ANO10: variants seen among roughly 807,000 people sequenced by gnomAD.
The protein encoded by ANO10 is anoctamin-10.
In ANO10, 77 loss-of-function variants were observed where a neutral mutation model predicts 74.7. That is an observed-to-expected ratio of 1.03 (90% confidence interval 0.86 to 1.25). ANO10 has a LOEUF of 1.25. Among genes scored for constraint, ANO10 ranks in the 50% most tolerant of loss-of-function variants. The pLI, the probability that ANO10 is intolerant of heterozygous loss-of-function variation, is 0.00. For synonymous variants in ANO10, 279 were observed against 284.9 expected (o/e 0.98, Z 0.21); for missense variants, 721 against 778.1 (o/e 0.93, Z 0.87).
chr3:43,432,553 T>G, intron 12 of ANO10, 58 bp downstream of exon 12: 1 of 1,372,116 alleles, frequency 7.3e-7, no homozygotes, highest in Non-Finnish European at 1.0e-6. Flanking sequence ...TTCTTCTGAA[T>G]TATTTTTCCT....
At chr3:43,554,286 C>A (rs1455987995) in intron 10 of ANO10, among the ~76,000 whole-genome samples, 1 of 151,006 alleles carries the variant, frequency 6.6e-6, no homozygotes. Context: ...CTCTGCCTCT[C>A]GGCTTCAAGT....
rs56213626 is a variant in ANO10, at chr3:43,428,796, C to CAAAAAAAAAAAAAAAAAAAAA, written c.1914+3794_1914+3814dup. On this transcript the variant is annotated intron_variant, in intron 12 of 12. Transcript: ENST00000292246. The stretch of plus-strand genomic sequence containing the variant: ...CCAAAATCCTGAAACTTTGTGAATG[C>CAAAAAAAAAAAAAAAAAAAAA]AAAAAAAAAAAAAAAAAAAAAAGTC... 1.3e-4 allele frequency among the ~76,000 whole-genome samples: 7 copies of CAAAAAAAAAAAAAAAAAAAAA among 55,424 alleles called. 2 individuals carry two copies. The highest frequency in any genetic ancestry group is 1.3e-4 in the Non-Finnish European group (4 of 31,072). 36.4% of individuals were successfully genotyped at this position (55,424 alleles called of 152,430 possible).
At chr3:43,481,917 CTTT>C (rs202113435) in intron 11 of ANO10, among the ~76,000 whole-genome samples, 6 of 135,984 alleles carry the variant, frequency 4.4e-5, no homozygotes, top group African/African-American at 8.1e-5. Flanking sequence ...TGTCTTTTTT[CTTT>C]TTTTTTCTTT....
At chr3:43,505,883 A>G (rs905846794) in intron 11 of ANO10, among the ~76,000 whole-genome samples, 8 of 152,170 alleles carry the variant, frequency 5.3e-5, no homozygotes, top group African/African-American at 1.9e-4. Flanking sequence ...GGAAGAAATT[A>G]TTTTTATGTT....
At chr3:43,419,796 G>A (rs931149089) in intron 12 of ANO10, among the ~76,000 whole-genome samples, 4 of 152,138 alleles carry the variant, frequency 2.6e-5, no homozygotes, top group African/African-American at 7.2e-5. Context: ...GATGACAGGC[G>A]TGAGCTACTG....
intron 6 of ANO10, among the ~76,000 whole-genome samples, chr3:43,576,150 C>G (rs902913612): frequency 6.6e-6 from 1 of 152,178 alleles, no homozygotes; most frequent in Non-Finnish European, 1.5e-5. Flanking sequence ...TGCCTCACAC[C>G]AACTAGACAC....
At chr3:43,639,331 T>C (rs1359555280) in intron 1 of ANO10, among the ~76,000 whole-genome samples, 2 of 152,190 alleles carry the variant, frequency 1.3e-5, no homozygotes, top group Non-Finnish European at 2.9e-5. Flanking sequence ...ACTCAGCCAG[T>C]TTGCCCTCAC....
chr3:43,392,099 G>A (rs916399268), intron 12 of ANO10, among the ~76,000 whole-genome samples: 1 of 152,004 alleles, frequency 6.6e-6, no homozygotes, highest in Non-Finnish European at 1.5e-5. Flanking sequence ...GCAGGAGGTG[G>A]GCCCTCTCCC....
At chr3:43,658,050 C>T (rs892570040) in intron 1 of ANO10, among the ~76,000 whole-genome samples, 1 of 152,134 alleles carries the variant, frequency 6.6e-6, no homozygotes, top group African/African-American at 2.4e-5. Flanking sequence ...AGCTAGTCCT[C>T]CCTTCACTCA....
chr3:43,477,068 A>G (rs1220689801), intron 11 of ANO10, among the ~76,000 whole-genome samples: 1 of 152,214 alleles, frequency 6.6e-6, no homozygotes, highest in East Asian at 1.9e-4. Flanking sequence ...TCTTCCATCC[A>G]TTCCTGCTCT....
At chr3:43,553,312 G>A (rs1422109642) in intron 10 of ANO10, among the ~76,000 whole-genome samples, 2 of 152,054 alleles carry the variant, frequency 1.3e-5, no homozygotes, top group Non-Finnish European at 2.9e-5. Context: ...CTTGTTTGGG[G>A]TTCACAATGC....
intron 12 of ANO10, among the ~76,000 whole-genome samples, chr3:43,376,140 G>A (rs1036938770): frequency 8.5e-5 from 13 of 152,264 alleles, no homozygotes; most frequent in Middle Eastern, 3.4e-3. Context: ...CAGAAACCTC[G>A]ATCCGCAAGG....
In ANO10 at chr3:43,613,878, C is replaced by A. The variant is rs143712886; in HGVS notation, c.-11-8015G>T. On this transcript the variant is annotated intron_variant, in intron 1 of 12. Transcript: ENST00000292246. Reference sequence around the variant, plus strand: ...TAGTCTAGTAGCAGAAGCAAGCATGCATCAAATTATTCTAACACATGGGCT... The same window carrying A: ...TAGTCTAGTAGCAGAAGCAAGCATGAATCAAATTATTCTAACACATGGGCT... Among the ~76,000 whole-genome samples, 115 of 152,238 alleles carry A rather than the reference C, an allele frequency of 7.6e-4. 1 individual carries two copies. Among genetic ancestry groups the A allele is most frequent in the African/African-American group, 2.7e-3 (111 of 41,558 alleles).
intron 11 of ANO10, among the ~76,000 whole-genome samples, chr3:43,455,085 A>C (rs1421162536): frequency 6.6e-6 from 1 of 152,134 alleles, no homozygotes; most frequent in Admixed American, 6.5e-5. Flanking sequence ...AGTCAAATAC[A>C]TGGGCACAAA....
In ANO10 at chr3:43,561,222, A is replaced by G. The variant is rs756760212; in HGVS notation, c.1474T>C (p.Leu492=). ...VILEKEMGTY[L]GTFDDYLELF... ...AATTCAGCAATATTCCAACTTACCA[A>G]ATAAGTTCCCATTTCTTTTTCCAGG... The change falls in exon 9 of 13, where the codon TTG becomes CTG. Residue 492 remains leucine (L), a splice_region_variant and synonymous_variant. Transcript: ENST00000292246. 4.3e-5 allele frequency: 69 copies of G among 1,614,078 alleles called. No individual in the cohort carries two copies. In the East Asian group the frequency reaches 6.9e-4, roughly 16 times the overall value.
intron 7 of ANO10, among the ~76,000 whole-genome samples, chr3:43,566,164 G>A (rs1358524110): frequency 6.6e-6 from 1 of 152,214 alleles, no homozygotes; most frequent in Non-Finnish European, 1.5e-5. Context: ...ATTATATCCT[G>A]CACCTGGCTC....
At chr3:43,385,316 T>C (rs1287455667) in intron 12 of ANO10, among the ~76,000 whole-genome samples, 1 of 152,226 alleles carries the variant, frequency 6.6e-6, no homozygotes, top group Non-Finnish European at 1.5e-5. Context: ...TTGGTGGGAA[T>C]GTAAACTAGT....
intron 4 of ANO10, among the ~76,000 whole-genome samples, chr3:43,592,284 C>A (rs572485907): frequency 1.3e-5 from 2 of 152,232 alleles, no homozygotes; most frequent in Non-Finnish European, 2.9e-5. Flanking sequence ...GATCTGAGAA[C>A]GGACAGACTG....
chr3:43,382,240 C>A (rs778185400), intron 12 of ANO10, among the ~76,000 whole-genome samples: 1 of 152,176 alleles, frequency 6.6e-6, no homozygotes, highest in African/African-American at 2.4e-5. Flanking sequence ...CAAGATCAGG[C>A]CGGGCGCGGT....
Sources: gnomAD v4.1 joint callset for allele counts (sites outside exome capture counted in the v4.1 genomes callset) on GRCh38, gnomAD v4.1.1 for gene constraint, MANE v1.5 for transcripts, NCBI Gene and HGNC (gene_info 2026-07-23, HGNC 2026-07-21) for gene names.